ATP12A: variants seen among roughly 807,000 people sequenced by gnomAD.
ATP12A encodes the protein potassium-transporting ATPase alpha chain 2.
Under a neutral mutation model 111.2 loss-of-function variants are expected in ATP12A, and 81 were observed. The ratio of observed to expected loss-of-function variants is 0.73; its 90% CI spans 0.61 to 0.88. The LOEUF (loss-of-function observed/expected upper bound fraction) is 0.88, where lower values mean the gene tolerates loss of function less well. Ranked by LOEUF, ATP12A falls within the 40% of genes least tolerant of loss-of-function variation. The probability of loss-of-function intolerance (pLI) is 0.00; values close to 1 mark genes in which losing one functional copy is unlikely to be tolerated. For missense variants in ATP12A, 1,196 were observed against 1,313.1 expected (o/e 0.91, Z 1.38); for synonymous variants, 498 against 499.8 (o/e 1.00, Z 0.05).
intron 12 of ATP12A, 35 bp downstream of exon 12, chr13:24,698,885 G>T (rs568043059): frequency 2.5e-6 from 4 of 1,607,534 alleles, no homozygotes; most frequent in Admixed American, 1.7e-5. Flanking sequence ...CCATCACCTG[G>T]TGGGCACAGA....
chr13:24,682,022 AGTGTGTGGTGTGTGTAT>A (rs1205620258), intron 2 of ATP12A, among the ~76,000 whole-genome samples: 5 of 36,996 alleles, frequency 1.4e-4, no homozygotes, highest in South Asian at 1.7e-3. Flanking sequence ...TGGTGTGTGT[AGTGTGTGGTGTGTGTAT>A]GTGTGTGGTG....
chr13:24,698,624 C>T, intron 11 of ATP12A, 34 bp from the exon 12 acceptor site: 1 of 1,599,864 alleles, frequency 6.3e-7, no homozygotes, highest in Non-Finnish European at 8.5e-7. Flanking sequence ...TTTCACCTTT[C>T]TGTAAGTAAC....
In ATP12A at chr13:24,685,194, TC is replaced by T; in HGVS notation, c.169-118del. ...GTTCTTTCTCTCCTGTCCCCCACACTCCTCGATCCCCTCCCATCCTCAGGGC... is the reference window on the plus strand; with the variant it reads ...GTTCTTTCTCTCCTGTCCCCCACACTCTCGATCCCCTCCCATCCTCAGGGC... On this transcript the variant is annotated intron_variant, in intron 2 of 22. Coordinates refer to ENST00000381946, the MANE Select transcript of ATP12A (RefSeq NM_001676.7). The surrounding 1 kb of genome is among the most constrained non-coding windows in gnomAD (Gnocchi z 5.5). 2.2e-6 allele frequency: 2 copies of T among 906,658 alleles called. No individual in the cohort carries two copies. Among genetic ancestry groups the T allele is most frequent in the Non-Finnish European group, 3.6e-6 (2 of 556,504 alleles). The allele number at this position is 906,658 out of a possible 1,614,324, so 56.2% of individuals were successfully genotyped here. A position where few individuals can be genotyped will look rare whatever the true frequency, so the allele number is the denominator to read the frequency against.
At chr13:24,682,625 C>A (rs73158343) in intron 2 of ATP12A, among the ~76,000 whole-genome samples, 1 of 152,116 alleles carries the variant, frequency 6.6e-6, no homozygotes, top group Non-Finnish European at 1.5e-5. Context: ...ACTATTTGAG[C>A]TGGAACTTCT....
chr13:24,702,014 A>T lies in ATP12A; in HGVS notation c.1961A>T (p.Glu654Val). 1 of 1,614,230 alleles carries T rather than the reference A, an allele frequency of 6.2e-7. No homozygotes were observed. Among genetic ancestry groups the T allele is most frequent in the Non-Finnish European group, 8.5e-7 (1 of 1,180,034 alleles). ...GTGGGGATCATTTCAGCCAACAGTG[A>T]AACAGTGGAAGACATTGCACATCGC... The part of the protein sequence containing the change: ...KSVGIISANS[E>V]TVEDIAHRLN... Residue 654 changes from glutamate (E) to valine (V), a missense_variant, in exon 14 of 23, where the codon GAA becomes GTA. This residue lies in a region of ATP12A where 1,126 missense variants were observed against 1,228.5 expected (regional missense o/e 0.92). Transcript: ENST00000381946.
intron 4 of ATP12A, 55 bp from the exon 5 acceptor site, chr13:24,689,207 G>A (rs1874777774): frequency 9.8e-6 from 14 of 1,430,242 alleles, no homozygotes; most frequent in Admixed American, 1.7e-5. Flanking sequence ...TAGCCCCAGG[G>A]CCCGGCTGCT....
chr13:24,709,859 A>T (rs1192435495), intron 19 of ATP12A, 31 bp downstream of exon 19: 9 of 1,611,188 alleles, frequency 5.6e-6, no homozygotes, highest in Non-Finnish European at 7.6e-6. Context: ...TGCAGAGTCC[A>T]CCTGATTCTC....
At chr13:24,698,587 A>G (rs2137708509) in intron 11 of ATP12A, 71 bp from the exon 12 acceptor site, 3 of 1,484,084 alleles carry the variant, frequency 2.0e-6, no homozygotes, top group African/African-American at 1.4e-5. Flanking sequence ...TTTACATTTA[A>G]TGGACCAGTA....
At position 24,680,672 on chromosome 13, in the gene ATP12A, C is replaced by G; in HGVS notation, c.-72C>G. 1.3e-6 allele frequency: 2 copies of G among 1,487,106 alleles called. No homozygotes were observed. The highest frequency in any genetic ancestry group is 1.5e-5 in the African/African-American group (1 of 68,446). 92.1% of individuals were successfully genotyped at this position (1,487,106 alleles called of 1,614,324 possible). On this transcript the variant is annotated 5_prime_UTR_variant, in exon 1 of 23. Coordinates refer to ENST00000381946, the MANE Select transcript of ATP12A (RefSeq NM_001676.7). ...ACTGCCACAGCCACACGAGGCCCCC[C>G]ACCGTGCGCTCCGCCGCTGCGGTCC...
chr13:24,709,368 C>G lies in ATP12A; in HGVS notation c.2498C>G (p.Pro833Arg), dbSNP rs752128280. Residue 833 changes from proline (P) to arginine (R), a missense_variant, in exon 18 of 23, where the codon CCC becomes CGC. Coordinates refer to ENST00000381946, the MANE Select transcript of ATP12A (RefSeq NM_001676.7). Reference sequence around the variant, plus strand: ...CACCAGCCTCTTCCCCTCTAGATCCCCTCCATTGCCTTGGCGTACGAGAAA... The same window carrying G: ...CACCAGCCTCTTCCCCTCTAGATCCGCTCCATTGCCTTGGCGTACGAGAAA... ...LFIDLGTDII[P>R]SIALAYEKAE... 2 of 1,608,748 alleles carry G rather than the reference C, an allele frequency of 1.2e-6. No homozygotes were observed. The highest frequency in any genetic ancestry group is 1.7e-5 in the Admixed American group (1 of 59,790).
At chr13:24,695,050 G>A (rs1177271417) in intron 11 of ATP12A, among the ~76,000 whole-genome samples, 12 of 152,200 alleles carry the variant, frequency 7.9e-5, no homozygotes. Flanking sequence ...CATCCGGCCT[G>A]TGAGGTAGGA....
rs371074316 is a variant in ATP12A, at chr13:24,709,462, C to T, written c.2592C>T (p.Leu864=). Residue 864 remains leucine, a synonymous_variant, in exon 18 of 23, where the codon CTC becomes CTT. Coordinates refer to ENST00000381946, the MANE Select transcript of ATP12A (RefSeq NM_001676.7). ...AGGACAGGCTGGTGAACCAGCCGCT[C>T]GCTGTGTACTCATACCTGCACATTG... ...KNKDRLVNQP[L]AVYSYLHIGL... The T allele has an allele frequency of 6.2e-6, 10 of 1,613,950 alleles. No homozygotes were observed. The highest frequency in any genetic ancestry group is 4.4e-5 in the South Asian group (4 of 91,070).
At chr13:24,688,268 T>G (rs1360360075) in intron 3 of ATP12A, 51 bp from the exon 4 acceptor site, 2 of 1,556,890 alleles carry the variant, frequency 1.3e-6, no homozygotes, top group Non-Finnish European at 1.7e-6. Context: ...AGGAGGAATG[T>G]CTAATTCGTA....
At position 24,698,715 on chromosome 13, in the gene ATP12A, G is replaced by A; in HGVS notation, c.1570G>A (p.Gly524Arg). 8 of 1,613,994 alleles carry A rather than the reference G, an allele frequency of 5.0e-6. No individual in the cohort carries two copies. The highest frequency in any genetic ancestry group is 6.8e-6 in the Non-Finnish European group (8 of 1,180,026). Reference protein sequence around the residue: ...HGKRFLMVMKGAPERILEKCS... With the variant: ...HGKRFLMVMKRAPERILEKCS... Reference sequence around the variant, plus strand: ...CAAGCGCTTCCTCATGGTGATGAAGGGGGCCCCTGAGCGCATCCTAGAGAA... The same window carrying A: ...CAAGCGCTTCCTCATGGTGATGAAGAGGGCCCCTGAGCGCATCCTAGAGAA... The change falls in exon 12 of 23, where the codon GGG (glycine) becomes AGG (arginine). Residue 524 changes from glycine to arginine, a missense_variant. Physicochemically the swap from Gly to Arg is moderately radical, Grantham distance 125. Around this residue, in one of 3 missense-constraint regions of ATP12A, gnomAD observed 1,126 missense variants for 1,228.5 expected, o/e 0.92. Coordinates refer to ENST00000381946, the MANE Select transcript of ATP12A (RefSeq NM_001676.7).
intron 17 of ATP12A, among the ~76,000 whole-genome samples, chr13:24,708,118 A>C (rs776781606): frequency 3.9e-5 from 6 of 152,190 alleles, no homozygotes; most frequent in Non-Finnish European, 8.8e-5. Flanking sequence ...TGATAATCTC[A>C]CAGCCACCTC....
chr13:24,711,355 C>A lies in ATP12A; in HGVS notation c.3037C>A (p.Leu1013Met), dbSNP rs764573892. The A allele has an allele frequency of 6.2e-7, 1 of 1,609,982 alleles. No homozygotes were observed. The highest frequency in any genetic ancestry group is 2.2e-5 in the East Asian group (1 of 44,856). Residue 1013 changes from leucine (L) to methionine (M), a missense_variant, in exon 22 of 23, where the codon CTG (leucine) becomes ATG (methionine). Physicochemically the swap from Leu to Met is conservative, Grantham distance 15. This residue lies in a region of ATP12A where 1,126 missense variants were observed against 1,228.5 expected (regional missense o/e 0.92). Coordinates refer to ENST00000381946, the MANE Select transcript of ATP12A (RefSeq NM_001676.7). ...YWFVAVPHAILIWVYDEVRKL... is the reference protein window; with the variant it reads ...YWFVAVPHAIMIWVYDEVRKL... ...GTTTGTGGCTGTGCCGCACGCCATC[C>A]TGATCTGGGTGTATGATGAGGTGCG...
chr13:24,701,893 G>T (rs376382913), intron 13 of ATP12A, 42 bp from the exon 14 acceptor site: 2 of 1,613,216 alleles, frequency 1.2e-6, no homozygotes, highest in Non-Finnish European at 1.7e-6. Flanking sequence ...GGCCAACCGA[G>T]TTCTTCATTA....
chr13:24,682,865 G>GA (rs922439749), intron 2 of ATP12A, among the ~76,000 whole-genome samples: 6 of 151,744 alleles, frequency 4.0e-5, no homozygotes, highest in Admixed American at 6.6e-5. Flanking sequence ...TCTATGAGGG[G>GA]AAAAAATGAG....
At chr13:24,683,938 G>A (rs1458643415) in intron 2 of ATP12A, among the ~76,000 whole-genome samples, 2 of 152,148 alleles carry the variant, frequency 1.3e-5, no homozygotes, top group Admixed American at 1.3e-4. Context: ...AGTGCCTAAT[G>A]ACAACTGAAG....
Sources: gnomAD v4.1 joint callset for allele counts (sites outside exome capture counted in the v4.1 genomes callset) on GRCh38, gnomAD v4.1.1 for gene constraint, gnomAD v4.1.1 regional missense constraint, Gnocchi (gnomAD v3.1) non-coding constraint, MANE v1.5 for transcripts, NCBI Gene and HGNC (gene_info 2026-07-23, HGNC 2026-07-21) for gene names.